Variants in ATIC observed in about 807,000 individuals in gnomAD.
The protein encoded by ATIC is bifunctional purine biosynthesis protein ATIC.
Under a neutral mutation model 72.5 loss-of-function variants are expected in ATIC, and 64 were observed. The observed-to-expected ratio is 0.88, with a 90% confidence interval of 0.72 to 1.09. The LOEUF (loss-of-function observed/expected upper bound fraction) is 1.09. Among genes scored for constraint, ATIC ranks in the 50% least tolerant of loss-of-function variants. The pLI, the probability that ATIC is intolerant of heterozygous loss-of-function variation, is 0.00. For missense variants in ATIC, 787 were observed against 732.4 expected (o/e 1.07, Z -0.86); for synonymous variants, 281 against 267.1 (o/e 1.05, Z -0.51).
At chr2:215,352,012 C>T (rs905377596), downstream of ATIC, among the ~76,000 whole-genome samples, 9 of 152,146 alleles carry the variant, frequency 5.9e-5, no homozygotes, top group Non-Finnish European at 1.0e-4. Context: ...AAAATACCTT[C>T]CTACTGTCAA....
chr2:215,327,420 T>C (rs924587267), intron 7 of ATIC, among the ~76,000 whole-genome samples: 1 of 152,200 alleles, frequency 6.6e-6, no homozygotes, highest in Non-Finnish European at 1.5e-5. Context: ...GCCGTTGCCT[T>C]GGAATATTGG....
At chr2:215,312,184 C>G (rs2052659017) in intron 1 of ATIC, 23 bp downstream of exon 1, 1 of 1,498,906 alleles carries the variant, frequency 6.7e-7, no homozygotes, top group African/African-American at 1.5e-5. Context: ...CGGAGCGGCG[C>G]GGTCTGCGTC....
intron 12 of ATIC, among the ~76,000 whole-genome samples, chr2:215,343,902 A>T (rs1160573595): frequency 2.0e-5 from 3 of 152,222 alleles, no homozygotes; most frequent in Non-Finnish European, 1.5e-5. Context: ...GATACTAAAG[A>T]TAGTGATATT....
intron 7 of ATIC, among the ~76,000 whole-genome samples, chr2:215,330,937 A>G (rs1282110010): frequency 6.6e-6 from 1 of 152,196 alleles, no homozygotes; most frequent in Non-Finnish European, 1.5e-5. Flanking sequence ...AACAACATGC[A>G]TTAAGTTTCT....
rs2052918144 is a variant in ATIC at position 215,333,458 on chromosome 2, GT to G, written c.922+2del. ...TCAGCGGCATATGCAAGAGCAAGAG[GT>G]CAGACTCATAGGGCTTTTTGATTTG... On this transcript the variant is annotated splice_donor_variant, in intron 9 of 15. Transcript: ENST00000236959. LOFTEE classifies it high-confidence loss of function. The G allele has an allele frequency of 6.2e-7, 1 of 1,612,584 alleles. No homozygotes were observed. The highest frequency in any genetic ancestry group is 1.6e-4 in the Middle Eastern group (1 of 6,062).
At chr2:215,365,875 G>A in the ATIC span, 2 of 200,410 alleles carry the variant, frequency 1.0e-5, no homozygotes, top group Non-Finnish European at 1.9e-5. Context: ...GTGCAATCTC[G>A]GCTCACTGTA....
intron 14 of ATIC, chr2:215,347,735 C>T (rs2106045268): frequency 2.1e-6 from 1 of 468,424 alleles, no homozygotes; most frequent in Non-Finnish European, 4.3e-6. Flanking sequence ...TTTGATATTA[C>T]CAGTCAACCC....
chr2:215,338,816 G>A lies in ATIC; in HGVS notation c.1136G>A (p.Arg379Gln), dbSNP rs199518893. The change falls in exon 12 of 16, where the codon CGA becomes CAA. Residue 379 changes from arginine (R) to glutamine (Q), a missense_variant. Coordinates refer to ENST00000236959, the MANE Select transcript of ATIC (RefSeq NM_004044.7). ...TACAAACCAGATGAAAATGAAGTTCGAACTCTCTTTGGTCTTCATTTAAGC... is the reference window on the plus strand; with the variant it reads ...TACAAACCAGATGAAAATGAAGTTCAAACTCTCTTTGGTCTTCATTTAAGC... ...QSYKPDENEV[R>Q]TLFGLHLSQK... 17 of 1,613,680 alleles carry A rather than the reference G, an allele frequency of 1.1e-5. No homozygotes were observed. The highest frequency in any genetic ancestry group is 1.0e-4 in the Admixed American group (6 of 60,012).
the ATIC span, among the ~76,000 whole-genome samples, chr2:215,356,286 A>G: frequency 6.6e-6 from 1 of 152,224 alleles, no homozygotes; most frequent in Admixed American, 6.5e-5. Context: ...TATGGAAATT[A>G]CTATGAAAAA....
the ATIC span, chr2:215,362,002 C>T: frequency 6.2e-7 from 1 of 1,613,920 alleles, no homozygotes; most frequent in Non-Finnish European, 8.5e-7. Flanking sequence ...TCTGAGAATA[C>T]TGGTTGTAGG....
chr2:215,337,264 A>G (rs185132004), intron 11 of ATIC, among the ~76,000 whole-genome samples: 2 of 152,332 alleles, frequency 1.3e-5, no homozygotes, highest in African/African-American at 2.4e-5. Flanking sequence ...TTACAAGGAA[A>G]GTTATTAAGT....
chr2:215,361,643 A>G, the ATIC span: 1 of 1,596,166 alleles, frequency 6.3e-7, no homozygotes, highest in Non-Finnish European at 8.6e-7. Context: ...AAAAGGAAGA[A>G]GGAAAAAAAA....
chr2:215,364,802 T>TTA, the ATIC span: 1 of 934,058 alleles, frequency 1.1e-6, no homozygotes, highest in Non-Finnish European at 1.7e-6. Flanking sequence ...GCCCCTCCTG[T>TTA]GTGTACGACA....
chr2:215,346,150 TTTTATTTA>T (rs35409099), intron 13 of ATIC, among the ~76,000 whole-genome samples: 1 of 151,066 alleles, frequency 6.6e-6, no homozygotes, highest in Non-Finnish European at 1.5e-5. Flanking sequence ...TGGTCATTAG[TTTTATTTA>T]TTTATTTATT....
intron 9 of ATIC, among the ~76,000 whole-genome samples, chr2:215,333,692 A>T (rs942274537): frequency 2.0e-5 from 3 of 152,158 alleles, no homozygotes; most frequent in African/African-American, 7.2e-5. Flanking sequence ...TTGTTTTATT[A>T]ATATTTGAGA....
the ATIC span, chr2:215,365,849 A>G: frequency 4.4e-6 from 1 of 228,156 alleles, no homozygotes; most frequent in Non-Finnish European, 8.3e-6. Flanking sequence ...TCTGTCGCCC[A>G]GACTGGAGTG....
the ATIC span, chr2:215,362,751 G>C: frequency 6.5e-6 from 1 of 153,932 alleles, no homozygotes; most frequent in Non-Finnish European, 1.4e-5. Flanking sequence ...CTGGAAATGG[G>C]AGGACACACA....
the ATIC span, among the ~76,000 whole-genome samples, chr2:215,356,834 A>C: frequency 6.6e-6 from 1 of 152,222 alleles, no homozygotes; most frequent in African/African-American, 2.4e-5. Context: ...TCCATTCATT[A>C]GTCGATGGAC....
At chr2:215,331,463 A>G (rs1229857933) in intron 7 of ATIC, among the ~76,000 whole-genome samples, 1 of 149,116 alleles carries the variant, frequency 6.7e-6, no homozygotes, top group African/African-American at 2.5e-5. Flanking sequence ...GCTCACTACA[A>G]CCTCCACCTT....
Sources: gnomAD v4.1 joint callset for allele counts (sites outside exome capture counted in the v4.1 genomes callset) on GRCh38, gnomAD v4.1.1 for gene constraint, MANE v1.5 for transcripts, NCBI Gene and HGNC (gene_info 2026-07-23, HGNC 2026-07-21) for gene names.